PARPBP: variants seen among roughly 807,000 people sequenced by gnomAD.
PARPBP encodes the protein PARP1 binding protein.
Under a neutral mutation model 50.0 loss-of-function variants are expected in PARPBP, and 52 were observed. The observed-to-expected ratio is 1.04, with a 90% confidence interval of 0.83 to 1.31. The LOEUF is 1.31. PARPBP is among the 50% of genes most tolerant of loss of function. The pLI is 0.00. For synonymous variants in PARPBP, 244 were observed against 232.1 expected (o/e 1.05, Z -0.47); for missense variants, 697 against 672.0 (o/e 1.04, Z -0.41).
intron 9 of PARPBP, among the ~76,000 whole-genome samples, chr12:102,186,114 A>G (rs1890277180): frequency 1.3e-5 from 2 of 150,738 alleles, no homozygotes; most frequent in Non-Finnish European, 3.0e-5. Context: ...TGTTGGTCAT[A>G]GTGGTCTCTA....
At chr12:102,147,210 T>G (rs546123199) in intron 2 of PARPBP, among the ~76,000 whole-genome samples, 1 of 152,310 alleles carries the variant, frequency 6.6e-6, no homozygotes, top group Non-Finnish European at 1.5e-5. Flanking sequence ...GCCATCCCAT[T>G]GCTGGGTATA....
chr12:102,176,218 G>A (rs774225213), intron 7 of PARPBP, among the ~76,000 whole-genome samples: 2 of 152,010 alleles, frequency 1.3e-5, no homozygotes, highest in Non-Finnish European at 2.9e-5. Context: ...TCCTGACCTC[G>A]TGATCTGCCC....
chr12:102,196,190 T>C lies in PARPBP; in HGVS notation c.1639T>C (p.Leu547=), dbSNP rs763104997. The C allele has an allele frequency of 6.2e-7, 1 of 1,611,950 alleles. No individual in the cohort carries two copies. Among genetic ancestry groups the C allele is most frequent in the African/African-American group, 1.3e-5 (1 of 74,830 alleles). Reference sequence around the variant, plus strand: ...GAAATCAAATGATTCACAGAATAGATTGTACGGCAAACTAGCTAAAGTAGC... The same window carrying C: ...GAAATCAAATGATTCACAGAATAGACTGTACGGCAAACTAGCTAAAGTAGC... ...PKKSNDSQNR[L]YGKLAKVAKS... The change falls in exon 11 of 11, where the codon TTG becomes CTG. Residue 547 remains leucine (L), a synonymous_variant. Transcript: ENST00000327680.
rs543205141 is a variant in PARPBP, at chr12:102,152,551, A to G, written c.388-1318A>G. On this transcript the variant is annotated intron_variant, in intron 3 of 10. Coordinates refer to ENST00000327680, the MANE Select transcript of PARPBP (RefSeq NM_017915.5). ...TAAACATTTGTAAGTTTTATGAGCT[A>G]GTTCCTCCTGTGTAAGCTGACAATT... Among the ~76,000 whole-genome samples, 393 of 152,326 alleles carry G rather than the reference A, an allele frequency of 2.6e-3. 2 individuals carry two copies. Among genetic ancestry groups the G allele is most frequent in the Non-Finnish European group, 3.2e-3 (219 of 68,022 alleles).
At chr12:102,187,706 A>G (rs527312961) in intron 9 of PARPBP, among the ~76,000 whole-genome samples, 2 of 152,306 alleles carry the variant, frequency 1.3e-5, no homozygotes, top group South Asian at 4.1e-4. Flanking sequence ...TGCAGCTTTC[A>G]AAATGTAACT....
chr12:102,173,767 A>G (rs1185820296), intron 6 of PARPBP, among the ~76,000 whole-genome samples: 1 of 151,448 alleles, frequency 6.6e-6, no homozygotes, highest in African/African-American at 2.4e-5. Flanking sequence ...GTTACTAGAG[A>G]TGTTTGTCCT....
intron 3 of PARPBP, 147 bp from the exon 4 acceptor site, chr12:102,153,722 T>G: frequency 1.8e-6 from 1 of 554,902 alleles, no homozygotes; most frequent in Non-Finnish European, 3.2e-6. Context: ...CATTATGAAG[T>G]TTAATTATAT....
At chr12:102,143,890 TTGAC>T (rs1337881228) in intron 2 of PARPBP, among the ~76,000 whole-genome samples, 3 of 152,184 alleles carry the variant, frequency 2.0e-5, no homozygotes, top group Non-Finnish European at 4.4e-5. Flanking sequence ...GTACCTGTGA[TTGAC>T]TGTCAGATTT....
intron 4 of PARPBP, among the ~76,000 whole-genome samples, chr12:102,156,336 A>G (rs941730731): frequency 2.7e-5 from 4 of 148,454 alleles, no homozygotes; most frequent in East Asian, 2.0e-4. Flanking sequence ...ACAGGTGCCC[A>G]CCACCACACC....
intron 3 of PARPBP, 27 bp from the exon 4 acceptor site, chr12:102,153,842 A>T (rs779749143): frequency 8.4e-7 from 1 of 1,192,044 alleles, no homozygotes; most frequent in Admixed American, 1.7e-5. Context: ...ATAGCATTTT[A>T]TTAGTAATAC....
At chr12:102,143,667 A>T (rs1346141338) in intron 2 of PARPBP, among the ~76,000 whole-genome samples, 1 of 152,314 alleles carries the variant, frequency 6.6e-6, no homozygotes, top group South Asian at 2.1e-4. Flanking sequence ...TGACGTCATT[A>T]TATGGCGAAT....
intron 9 of PARPBP, among the ~76,000 whole-genome samples, chr12:102,194,590 C>A (rs1324111544): frequency 1.3e-5 from 2 of 151,808 alleles, no homozygotes; most frequent in African/African-American, 4.8e-5. Flanking sequence ...GAATTGAGTT[C>A]ATCTTTGTAA....
At chr12:102,140,487 G>A (rs375737076) in intron 2 of PARPBP, among the ~76,000 whole-genome samples, 1 of 152,056 alleles carries the variant, frequency 6.6e-6, no homozygotes, top group African/African-American at 2.4e-5. Flanking sequence ...ATTTCCTTCA[G>A]TTGTGCTCTG....
chr12:102,128,002 C>T (rs1342521621), intron 2 of PARPBP, among the ~76,000 whole-genome samples: 2 of 151,986 alleles, frequency 1.3e-5, no homozygotes, highest in Non-Finnish European at 2.9e-5. Context: ...TATGCATTAC[C>T]TCACATTCTT....
chr12:102,140,590 A>G (rs1032614436), intron 2 of PARPBP, among the ~76,000 whole-genome samples: 5 of 152,092 alleles, frequency 3.3e-5, no homozygotes, highest in Non-Finnish European at 5.9e-5. Context: ...TGTCGATTTT[A>G]GATCTTTCCT....
At chr12:102,151,760 A>G in intron 3 of PARPBP, 1 of 1,535,680 alleles carries the variant, frequency 6.5e-7, no homozygotes, top group Non-Finnish European at 8.7e-7. Context: ...GTCCAGAAGA[A>G]GAGACGAGAC....
At chr12:102,153,816 A>G (rs1886531473) in intron 3 of PARPBP, 53 bp from the exon 4 acceptor site, 2 of 955,754 alleles carry the variant, frequency 2.1e-6, no homozygotes, top group Non-Finnish European at 3.4e-6. Flanking sequence ...TATGTGAAGT[A>G]TTTTTTATAG....
At chr12:102,147,530 A>T (rs1885548704) in intron 2 of PARPBP, among the ~76,000 whole-genome samples, 1 of 133,542 alleles carries the variant, frequency 7.5e-6, no homozygotes, top group South Asian at 2.6e-4. Context: ...ACACATGGAC[A>T]CAGGAAGGGG....
In PARPBP at chr12:102,124,001, T is replaced by C. The variant is rs761252669; in HGVS notation, c.113T>C (p.Leu38Pro). 6.5e-7 allele frequency: 1 copy of C among 1,535,246 alleles called. No homozygotes were observed. Among genetic ancestry groups the C allele is most frequent in the South Asian group, 1.2e-5 (1 of 84,032 alleles). Residue 38 changes from leucine (L) to proline (P), a missense_variant, in exon 2 of 11, where the codon CTC becomes CCC. By Grantham distance (98) the Leu-to-Pro change is moderately conservative. Transcript: ENST00000327680. ...RTTLCGADSM[L>P]LALQLSMAEN... ...ACTCTATGTGGTGCAGACTCCATGC[T>C]CTTGGCATTGCAGCTTTCTATGGCG...
Sources: allele counts gnomAD v4.1 joint callset (sites outside exome capture counted in the v4.1 genomes callset), GRCh38; gene constraint gnomAD v4.1.1; transcripts MANE v1.5; gene names NCBI Gene and HGNC (gene_info 2026-07-23, HGNC 2026-07-21).